DYM: variants seen among roughly 807,000 people sequenced by gnomAD.
The protein encoded by DYM is dyggve-Melchior-Clausen syndrome protein.
In DYM, 78 loss-of-function variants were observed where a neutral mutation model predicts 93.1. That is an observed-to-expected ratio of 0.84 (90% CI 0.70 to 1.01). The LOEUF (loss-of-function observed/expected upper bound fraction) is 1.01. Ranked by LOEUF, DYM falls within the 50% of genes least tolerant of loss-of-function variation. DYM has a pLI of 0.00. For synonymous variants in DYM, 321 were observed against 319.7 expected (o/e 1.00, Z -0.04); for missense variants, 789 against 845.0 (o/e 0.93, Z 0.82).
chr18:49,376,425 A>T (rs2067515208), intron 5 of DYM, among the ~76,000 whole-genome samples: 1 of 152,240 alleles, frequency 6.6e-6, no homozygotes, highest in South Asian at 2.1e-4. Context: ...AGAAAACAAA[A>T]GATTGCTGAT....
At chr18:49,406,614 A>T (rs1308976148) in intron 2 of DYM, among the ~76,000 whole-genome samples, 1 of 152,172 alleles carries the variant, frequency 6.6e-6, no homozygotes, top group Non-Finnish European at 1.5e-5. Context: ...ATTATTGTAA[A>T]AATGAACCAT....
intron 11 of DYM, among the ~76,000 whole-genome samples, chr18:49,264,241 C>A (rs758406715): frequency 9.2e-5 from 14 of 151,854 alleles, no homozygotes; most frequent in Non-Finnish European, 1.5e-4. Flanking sequence ...ACTAACAATG[C>A]TACAGTGAAA....
In DYM at chr18:49,363,145, C is replaced by G; in HGVS notation, c.494+16G>C. ...ACAAAGAAGATAAAACAAATCCTGG[C>G]CTAGCCAGAACTTACAAGAGTGGAA... On this transcript the variant is annotated intron_variant, in intron 6 of 17. Coordinates refer to ENST00000675505, the MANE Select transcript of DYM (RefSeq NM_001353214.3). 1 of 1,607,242 alleles carries G rather than the reference C, an allele frequency of 6.2e-7. No homozygotes were observed. Among genetic ancestry groups the G allele is most frequent in the Non-Finnish European group, 8.5e-7 (1 of 1,173,848 alleles).
intron 1 of DYM, among the ~76,000 whole-genome samples, chr18:49,449,364 T>C (rs984538544): frequency 2.0e-5 from 3 of 151,674 alleles, no homozygotes; most frequent in African/African-American, 7.3e-5. Context: ...AAAGAGAAAA[T>C]AGGGAAGGCA....
intron 15 of DYM, among the ~76,000 whole-genome samples, chr18:49,125,424 C>T (rs2082723757): frequency 6.6e-6 from 1 of 152,150 alleles, no homozygotes; most frequent in Admixed American, 6.5e-5. Flanking sequence ...ACCAGGGCAG[C>T]CCTACTAGCT....
At chr18:49,370,700 G>C (rs1037797584) in intron 5 of DYM, among the ~76,000 whole-genome samples, 1 of 152,226 alleles carries the variant, frequency 6.6e-6, no homozygotes, top group African/African-American at 2.4e-5. Flanking sequence ...CCAGGAGGTG[G>C]AGGTTGCAGT....
intron 15 of DYM, among the ~76,000 whole-genome samples, chr18:49,124,544 C>A (rs989756678): frequency 1.3e-5 from 2 of 151,344 alleles, no homozygotes; most frequent in African/African-American, 4.9e-5. Context: ...TATTAATAAG[C>A]ATGTTCTACA....
chr18:49,367,928 G>A (rs756759255), intron 5 of DYM, among the ~76,000 whole-genome samples: 6 of 152,056 alleles, frequency 3.9e-5, no homozygotes, highest in Admixed American at 1.3e-4. Flanking sequence ...AAAGACTCAC[G>A]GTAGAGTCTA....
intron 6 of DYM, among the ~76,000 whole-genome samples, chr18:49,338,684 T>C (rs1365312065): frequency 6.6e-6 from 1 of 152,180 alleles, no homozygotes; most frequent in African/African-American, 2.4e-5. Flanking sequence ...GTACAGAAGA[T>C]GGTAATGGGA....
chr18:49,342,717 A>G (rs2064259293), intron 6 of DYM, among the ~76,000 whole-genome samples: 1 of 152,220 alleles, frequency 6.6e-6, no homozygotes. Flanking sequence ...ATTTTAATGT[A>G]CCCTTTCTAT....
chr18:49,354,701 G>A (rs1183408144), intron 6 of DYM, among the ~76,000 whole-genome samples: 1 of 152,026 alleles, frequency 6.6e-6, no homozygotes, highest in Non-Finnish European at 1.5e-5. Flanking sequence ...TATGTCATTA[G>A]GGAACTGCAA....
At chr18:49,361,915 G>A (rs375834020) in intron 6 of DYM, among the ~76,000 whole-genome samples, 14 of 152,110 alleles carry the variant, frequency 9.2e-5, no homozygotes, top group African/African-American at 2.7e-4. Context: ...TAGTAGAAAC[G>A]GGGTTTCACC....
intron 16 of DYM, among the ~76,000 whole-genome samples, chr18:49,101,929 GA>G (rs1231881324): frequency 1.3e-5 from 2 of 152,186 alleles, no homozygotes; most frequent in African/African-American, 2.4e-5. Flanking sequence ...ACTACTCAAA[GA>G]AGGCTTACAT....
At chr18:49,064,070 G>A (rs140416953) in intron 17 of DYM, among the ~76,000 whole-genome samples, 2 of 152,274 alleles carry the variant, frequency 1.3e-5, no homozygotes, top group East Asian at 3.9e-4. Flanking sequence ...GGAGACAGTA[G>A]AACCAGTCAC....
intron 15 of DYM, among the ~76,000 whole-genome samples, chr18:49,140,470 G>A (rs1176382194): frequency 2.0e-5 from 3 of 152,118 alleles, no homozygotes; most frequent in Non-Finnish European, 4.4e-5. Context: ...GCCATGTGGA[G>A]CTTCCTATAA....
chr18:49,434,703 C>A (rs945314162), intron 1 of DYM, among the ~76,000 whole-genome samples: 3 of 151,724 alleles, frequency 2.0e-5, no homozygotes, highest in Non-Finnish European at 2.9e-5. Context: ...CAGTGGATCA[C>A]GCCTGTAATC....
chr18:49,085,188 G>A (rs1308357296), intron 17 of DYM, among the ~76,000 whole-genome samples: 1 of 152,108 alleles, frequency 6.6e-6, no homozygotes, highest in Admixed American at 6.5e-5. Flanking sequence ...CCGAAATTGG[G>A]TATAAAATAT....
intron 17 of DYM, among the ~76,000 whole-genome samples, chr18:49,059,843 C>T (rs2075809842): frequency 6.6e-6 from 1 of 152,182 alleles, no homozygotes. Context: ...CTCATTTAAG[C>T]TACCCCAACT....
chr18:49,311,746 G>A (rs1599332218), intron 8 of DYM, among the ~76,000 whole-genome samples: 1 of 121,430 alleles, frequency 8.2e-6, no homozygotes, highest in East Asian at 3.0e-4. Flanking sequence ...GGGAGGGGGA[G>A]GTATAGCATT....
Sources: allele counts gnomAD v4.1 joint callset (sites outside exome capture counted in the v4.1 genomes callset), GRCh38; gene constraint gnomAD v4.1.1; transcripts MANE v1.5; gene names NCBI Gene and HGNC (gene_info 2026-07-23, HGNC 2026-07-21).